The following SPAG1 variants were observed in gnomAD, a reference collection of about 807,000 sequenced individuals.
The protein encoded by SPAG1 is sperm-associated antigen 1.
A neutral mutation model predicts 100.5 loss-of-function variants in SPAG1; 69 were observed. The observed-to-expected ratio is 0.69, with a 90% confidence interval of 0.57 to 0.84. The LOEUF (loss-of-function observed/expected upper bound fraction) is 0.84, where lower values mean the gene tolerates loss of function less well. Among genes scored for constraint, SPAG1 ranks in the 40% least tolerant of loss-of-function variants. SPAG1 has a pLI of 0.00. For missense variants in SPAG1, 955 were observed against 1,133.1 expected (o/e 0.84, Z 2.26); for synonymous variants, 336 against 411.6 (o/e 0.82, Z 2.22).
rs929098564 is a variant in SPAG1, at chr8:100,240,909, A to G, written c.2668A>G (p.Ser890Gly). ...ERFKMMLTLI[S>G]KGQKELIEQL... The stretch of plus-strand genomic sequence containing the variant: ...CTTTTAGATGATGTTGACACTAATT[A>G]GCAAGGGCCAAAAGGAGCTAATTGA... Residue 890 changes from serine (S) to glycine (G), a missense_variant, in exon 19 of 19, where the codon AGC (serine) becomes GGC (glycine). Coordinates refer to ENST00000388798, the MANE Select transcript of SPAG1 (RefSeq NM_003114.5). 3.8e-6 allele frequency: 6 copies of G among 1,595,744 alleles called. No individual in the cohort carries two copies. The African/African-American group carries it at 8.4e-5, about 22-fold the overall frequency.
At chr8:100,195,191 AG>A (rs1453101647) in intron 10 of SPAG1, among the ~76,000 whole-genome samples, 1 of 151,792 alleles carries the variant, frequency 6.6e-6, no homozygotes, top group African/African-American at 2.4e-5. Flanking sequence ...AAAGAAAAAA[AG>A]GTTTTTCCCT....
chr8:100,212,723 A>C (rs1817765528), intron 10 of SPAG1, among the ~76,000 whole-genome samples: 1 of 152,138 alleles, frequency 6.6e-6, no homozygotes, highest in African/African-American at 2.4e-5. Flanking sequence ...AGTTTTTGCA[A>C]CTCCATTCAA....
In SPAG1 at chr8:100,240,579, G is replaced by A. The variant is rs186813256; in HGVS notation, c.2457G>A (p.Arg819=). 5.4e-5 allele frequency: 87 copies of A among 1,614,038 alleles called. 1 individual carries two copies. In the East Asian group the frequency reaches 1.9e-3, roughly 36 times the overall value. The part of the protein sequence containing the change: ...FGQIINALST[R]KDKEACAHLL... ...AGATTATAAATGCTCTCAGTACCAG[G>A]AAGGATAAAGAAGCCTGTGCACATC... The change falls in exon 18 of 19, where the codon AGG becomes AGA. Residue 819 remains arginine, a synonymous_variant. Coordinates refer to ENST00000388798, the MANE Select transcript of SPAG1 (RefSeq NM_003114.5).
intron 11 of SPAG1, 52 bp from the exon 12 acceptor site, chr8:100,213,767 C>T (rs1033800330): frequency 1.2e-5 from 14 of 1,164,938 alleles, no homozygotes; most frequent in Admixed American, 1.1e-4. Flanking sequence ...TTCTGGTGAA[C>T]TGTGATCTTG....
chr8:100,184,579 A>C (rs748042669), intron 6 of SPAG1, 49 bp from the exon 7 acceptor site: 2 of 989,440 alleles, frequency 2.0e-6, no homozygotes, highest in Non-Finnish European at 2.9e-6. Context: ...AACTTGAAAA[A>C]TTCTGTTAAA....
intron 10 of SPAG1, among the ~76,000 whole-genome samples, chr8:100,209,546 T>C (rs1817637274): frequency 1.3e-5 from 2 of 151,782 alleles, no homozygotes; most frequent in African/African-American, 4.8e-5. Context: ...TCTTTTCCAT[T>C]TCTGCAAAAA....
chr8:100,205,769 C>A (rs1056148103), intron 10 of SPAG1, among the ~76,000 whole-genome samples: 4 of 152,036 alleles, frequency 2.6e-5, no homozygotes, highest in Non-Finnish European at 5.9e-5. Flanking sequence ...GTAATCCCAG[C>A]ACTTTGGGAG....
intron 3 of SPAG1, among the ~76,000 whole-genome samples, chr8:100,172,898 T>C (rs970480058): frequency 6.6e-6 from 1 of 151,978 alleles, no homozygotes; most frequent in African/African-American, 2.4e-5. Context: ...AAAAATATGG[T>C]AATTAATCTA....
At chr8:100,202,449 G>A (rs2132314898) in intron 10 of SPAG1, among the ~76,000 whole-genome samples, 1 of 151,920 alleles carries the variant, frequency 6.6e-6, no homozygotes, top group Non-Finnish European at 1.5e-5. Context: ...GGTGGCTCAT[G>A]CCTGTAATCC....
intron 8 of SPAG1, among the ~76,000 whole-genome samples, chr8:100,189,306 T>C (rs1816715183): frequency 6.6e-6 from 1 of 151,784 alleles, no homozygotes; most frequent in Admixed American, 6.6e-5. Flanking sequence ...CGAAACTCCA[T>C]CTCTACTAAA....
At position 100,177,952 on chromosome 8, in the gene SPAG1, T is replaced by C. The variant is rs1408747739; in HGVS notation, c.426+11T>C. ...CTTCATGTAGGCAAGGTAGGCTTCT[T>C]TGATATCTTTGTGGGTGGTAGCAGG... On this transcript the variant is annotated intron_variant, in intron 4 of 18. Coordinates refer to ENST00000388798, the MANE Select transcript of SPAG1 (RefSeq NM_003114.5). 6.2e-7 allele frequency: 1 copy of C among 1,606,286 alleles called. No individual in the cohort carries two copies. The highest frequency in any genetic ancestry group is 8.5e-7 in the Non-Finnish European group (1 of 1,176,054).
chr8:100,192,118 C>G (rs1447808225), intron 9 of SPAG1, among the ~76,000 whole-genome samples: 1 of 152,060 alleles, frequency 6.6e-6, no homozygotes, highest in Non-Finnish European at 1.5e-5. Flanking sequence ...ATAGAGTGGC[C>G]CAGATGGATG....
At chr8:100,223,501 ATTTC>A (rs1374058292) in intron 13 of SPAG1, among the ~76,000 whole-genome samples, 3 of 149,628 alleles carry the variant, frequency 2.0e-5, no homozygotes, top group Non-Finnish European at 3.0e-5. Context: ...ATTTTTCACT[ATTTC>A]TTATTTGTGA....
chr8:100,194,181 A>G lies in SPAG1; in HGVS notation c.1009A>G (p.Lys337Glu). ...EAASETQTKGKRMVIQEIENS... is the reference protein window; with the variant it reads ...EAASETQTKGERMVIQEIENS... ...TGCATCTGAGACTCAAACCAAAGGG[A>G]AAAGGATGGTTATTCAGGAAATAGA... Residue 337 changes from lysine to glutamate, a missense_variant, in exon 10 of 19, where the codon AAA becomes GAA. Transcript: ENST00000388798. The G allele has an allele frequency of 6.2e-7, 1 of 1,611,104 alleles. No individual in the cohort carries two copies. Among genetic ancestry groups the G allele is most frequent in the Non-Finnish European group, 8.5e-7 (1 of 1,178,872 alleles).
At chr8:100,171,057 G>A (rs950214445) in intron 3 of SPAG1, among the ~76,000 whole-genome samples, 1 of 152,014 alleles carries the variant, frequency 6.6e-6, no homozygotes, top group Non-Finnish European at 1.5e-5. Context: ...TATCATGAAT[G>A]GGTTTTGAAT....
At chr8:100,230,864 G>T (rs1220439347) in intron 14 of SPAG1, among the ~76,000 whole-genome samples, 1 of 151,938 alleles carries the variant, frequency 6.6e-6, no homozygotes, top group Non-Finnish European at 1.5e-5. Flanking sequence ...CAGGTGATCC[G>T]CCCGCCTCGG....
intron 7 of SPAG1, among the ~76,000 whole-genome samples, chr8:100,186,779 T>A (rs1037801798): frequency 3.9e-5 from 6 of 152,180 alleles, no homozygotes; most frequent in African/African-American, 1.4e-4. Context: ...TCAAGGCCTC[T>A]CTCCTTGGCT....
Position 100,220,559 on chromosome 8 carries a change from T to A in SPAG1, c.1688+128T>A, listed in dbSNP as rs117786777. The A allele has an allele frequency of 0.038, 28,034 of 733,618 alleles. 636 individuals carry two copies. Among genetic ancestry groups the A allele is most frequent in the South Asian group, 0.046 (2,418 of 52,136 alleles). 45.4% of individuals were successfully genotyped at this position (733,618 alleles called of 1,614,324 possible). A position where few individuals can be genotyped will look rare whatever the true frequency, so the allele number is the denominator to read the frequency against. On this transcript the variant is annotated intron_variant, in intron 13 of 18. Coordinates refer to ENST00000388798, the MANE Select transcript of SPAG1 (RefSeq NM_003114.5). The stretch of plus-strand genomic sequence containing the variant: ...TTTTATCACCTGAATGATTGCCTTC[T>A]TTTATTCCATTACATCAAATGGTTC...
In SPAG1 at chr8:100,191,443, A is replaced by G; in HGVS notation, c.886A>G (p.Thr296Ala). 1 of 1,614,070 alleles carries G rather than the reference A, an allele frequency of 6.2e-7. No homozygotes were observed. The highest frequency in any genetic ancestry group is 2.2e-5 in the East Asian group (1 of 44,868). ...YKHQNKLREA[T>A]EDLSKVLDVE... ...ACATCAAAACAAGCTCCGGGAAGCT[A>G]CAGAAGATTTGAGTAAAGTACTAGA... is the stretch of plus-strand genomic sequence containing the variant. The change falls in exon 9 of 19, where the codon ACA becomes GCA. Residue 296 changes from threonine to alanine, a missense_variant. Thr to Ala is a moderately conservative substitution (Grantham distance 58, BLOSUM62 0). Coordinates refer to ENST00000388798, the MANE Select transcript of SPAG1 (RefSeq NM_003114.5).
Sources: gnomAD v4.1 joint callset for allele counts (sites outside exome capture counted in the v4.1 genomes callset) on GRCh38, gnomAD v4.1.1 for gene constraint, MANE v1.5 for transcripts, NCBI Gene and HGNC (gene_info 2026-07-23, HGNC 2026-07-21) for gene names.